Variants in STAB2 observed in about 807,000 individuals in gnomAD.
STAB2 encodes stabilin 2, also known as stabilin-2.
Under a neutral mutation model 338.1 loss-of-function variants are expected in STAB2, and 288 were observed. That is an observed-to-expected ratio of 0.85 (90% CI 0.77 to 0.94). The LOEUF is 0.94. Among genes scored for constraint, STAB2 ranks in the 40% least tolerant of loss-of-function variants. The probability of loss-of-function intolerance (pLI) is 0.00; values close to 1 mark genes in which losing one functional copy is unlikely to be tolerated. For missense variants in STAB2, 3,141 were observed against 3,210.1 expected, an observed-to-expected ratio of 0.98 and a Z score of 0.52; for synonymous variants, 1,202 against 1,193.3, an observed-to-expected ratio of 1.01 and a Z score of -0.15.
intron 33 of STAB2, among the ~76,000 whole-genome samples, chr12:103,697,927 G>A (rs1410885004): frequency 1.3e-5 from 2 of 152,168 alleles, no homozygotes; most frequent in Non-Finnish European, 2.9e-5. Flanking sequence ...AGTGGCGAGG[G>A]TCTCTGTGGG....
intron 17 of STAB2, among the ~76,000 whole-genome samples, chr12:103,662,471 G>T (rs1012025018): frequency 1.7e-4 from 26 of 152,206 alleles, no homozygotes; most frequent in African/African-American, 6.3e-4. Context: ...CAAAGGCAGA[G>T]CATAAGTGAG....
At chr12:103,731,660 CAG>C (rs1447219333) in intron 50 of STAB2, 25 bp downstream of exon 50, 1 of 1,604,394 alleles carries the variant, frequency 6.2e-7, no homozygotes. Context: ...GAAGTTGACT[CAG>C]AGGATAACCT....
In STAB2 at chr12:103,759,186, C is replaced by G. The variant is rs144555165; in HGVS notation, c.7161C>G (p.Phe2387Leu). The change falls in exon 65 of 69, where the codon TTC (phenylalanine) becomes TTG (leucine). Residue 2387 changes from phenylalanine (F) to leucine (L), a missense_variant. Physicochemically the swap from Phe to Leu is conservative, Grantham distance 22 (BLOSUM62 0). Transcript: ENST00000388887. ...ACCTCGCCAATGTCAGCATGTTTTT[C>G]TACAATGACCTTGTCAATGGCACCA... is the stretch of plus-strand genomic sequence containing the variant. ...EHHLANVSMF[F>L]YNDLVNGTTL... 1,576 of 1,614,176 alleles carry G rather than the reference C, an allele frequency of 9.8e-4. 6 individuals carry two copies. In the African/African-American group the frequency reaches 0.018, roughly 19 times the overall value.
At chr12:103,734,635 A>G (rs537419076) in intron 51 of STAB2, among the ~76,000 whole-genome samples, 2 of 152,202 alleles carry the variant, frequency 1.3e-5, no homozygotes, top group Non-Finnish European at 2.9e-5. Context: ...CAGTTCAAGA[A>G]TGCCAAATGC....
Position 103,612,106 on chromosome 12 carries a change from C to T in STAB2, c.332-8362C>T, listed in dbSNP as rs866641039. 3.8e-4 allele frequency among the ~76,000 whole-genome samples: 58 copies of T among 152,316 alleles called. No homozygotes were observed. In the Middle Eastern group the frequency reaches 0.01, roughly 27 times the overall value. On this transcript the variant is annotated intron_variant, in intron 3 of 68. Coordinates refer to ENST00000388887, the MANE Select transcript of STAB2 (RefSeq NM_017564.10). ...TGTGTAACCCGACCTTTCTCTCTGGCTGCCCTTAACATTTTTTCCTTCATT... is the reference window on the plus strand; with the variant it reads ...TGTGTAACCCGACCTTTCTCTCTGGTTGCCCTTAACATTTTTTCCTTCATT...
chr12:103,643,808 C>A (rs1009662827), intron 9 of STAB2, among the ~76,000 whole-genome samples: 1 of 151,860 alleles, frequency 6.6e-6, no homozygotes, highest in African/African-American at 2.4e-5. Context: ...TGGCTATTAG[C>A]CGCCCCGACC....
At chr12:103,587,623 T>C (rs1956731299) in intron 1 of STAB2, 66 bp downstream of exon 1, 1 of 1,374,276 alleles carries the variant, frequency 7.3e-7, no homozygotes, top group Non-Finnish European at 1.0e-6. Flanking sequence ...AGCTTGTCGT[T>C]TTCCTCTGTT....
chr12:103,638,046 A>G lies in STAB2; in HGVS notation c.740A>G (p.His247Arg), dbSNP rs1436452783. 2 of 1,612,974 alleles carry G rather than the reference A, an allele frequency of 1.2e-6. No individual in the cohort carries two copies. Among genetic ancestry groups the G allele is most frequent in the East Asian group, 2.2e-5 (1 of 44,880 alleles). The change falls in exon 8 of 69, where the codon CAC (histidine) becomes CGC (arginine). Residue 247 changes from histidine to arginine, a missense_variant. By Grantham distance (29) the His-to-Arg change is conservative (BLOSUM62 0). Transcript: ENST00000388887. ...AATCCATGTTTACGAAAAATCTGCCACCCTCATGCTCATTGTACGTACCTG... is the reference window on the plus strand; with the variant it reads ...AATCCATGTTTACGAAAAATCTGCCGCCCTCATGCTCATTGTACGTACCTG... ...PINPCLRKICHPHAHCTYLGP... is the reference protein window; with the variant it reads ...PINPCLRKICRPHAHCTYLGP...
chr12:103,705,976 G>A (rs1217291791), intron 37 of STAB2, among the ~76,000 whole-genome samples: 1 of 152,188 alleles, frequency 6.6e-6, no homozygotes, highest in Non-Finnish European at 1.5e-5. Context: ...GAGTCCGAGA[G>A]GCTAATGGGA....
intron 26 of STAB2, among the ~76,000 whole-genome samples, chr12:103,683,983 G>A (rs1000499283): frequency 7.2e-5 from 11 of 152,110 alleles, no homozygotes; most frequent in Non-Finnish European, 1.6e-4. Flanking sequence ...GAATCTAGAG[G>A]CAGGAAGTAT....
chr12:103,648,209 T>C (rs1045109230), intron 9 of STAB2, among the ~76,000 whole-genome samples: 1 of 152,150 alleles, frequency 6.6e-6, no homozygotes, highest in Non-Finnish European at 1.5e-5. Context: ...AGGAAGCCTT[T>C]CTGAAAGAAG....
intron 63 of STAB2, among the ~76,000 whole-genome samples, chr12:103,756,996 A>AAAAAAAATAT (rs1215468922): frequency 5.3e-5 from 3 of 56,382 alleles, no homozygotes; most frequent in African/African-American, 3.1e-4. Context: ...AAGGAGGGAA[A>AAAAAAAATAT]ATATATATAT....
At chr12:103,704,137 T>C (rs1353644452) in intron 35 of STAB2, among the ~76,000 whole-genome samples, 2 of 152,230 alleles carry the variant, frequency 1.3e-5, no homozygotes, top group African/African-American at 2.4e-5. Context: ...TTGTGAACTT[T>C]TACTCTTTGT....
intron 10 of STAB2, among the ~76,000 whole-genome samples, chr12:103,650,043 T>A (rs866483149): frequency 6.6e-6 from 1 of 152,148 alleles, no homozygotes; most frequent in African/African-American, 2.4e-5. Context: ...TGTAGGATTC[T>A]TTGTTCAAAA....
intron 36 of STAB2, among the ~76,000 whole-genome samples, chr12:103,705,279 A>G (rs909933525): frequency 3.9e-5 from 6 of 152,240 alleles, no homozygotes; most frequent in African/African-American, 1.4e-4. Context: ...AAAGCAGACT[A>G]TAAATCAATA....
At chr12:103,763,648 G>T in intron 68 of STAB2, 40 bp downstream of exon 68, 1 of 1,540,210 alleles carries the variant, frequency 6.5e-7, no homozygotes, top group Non-Finnish European at 8.9e-7. Context: ...TTCCCTTGGG[G>T]TACAGGGGAA....
chr12:103,757,786 G>A (rs1884244168), intron 63 of STAB2: 1 of 233,134 alleles, frequency 4.3e-6, no homozygotes, highest in South Asian at 7.0e-5. Flanking sequence ...TAGGCCTGGG[G>A]TCAGAGATGC....
chr12:103,764,339 G>C (rs1884762552), intron 68 of STAB2, among the ~76,000 whole-genome samples: 1 of 152,148 alleles, frequency 6.6e-6, no homozygotes, highest in African/African-American at 2.4e-5. Flanking sequence ...CTTGCTTTTG[G>C]AGCTACTTTT....
chr12:103,731,948 T>C (rs147824066), intron 50 of STAB2, among the ~76,000 whole-genome samples: 1 of 152,330 alleles, frequency 6.6e-6, no homozygotes, highest in African/African-American at 2.4e-5. Flanking sequence ...TCAACTCCAT[T>C]ATAAAGATGG....
Sources: allele counts gnomAD v4.1 joint callset (sites outside exome capture counted in the v4.1 genomes callset), GRCh38; gene constraint gnomAD v4.1.1; transcripts MANE v1.5; gene names NCBI Gene and HGNC (gene_info 2026-07-23, HGNC 2026-07-21).